Variants in MALRD1 observed in about 807,000 individuals in gnomAD.
The protein encoded by MALRD1 is MAM and LDL receptor class A domain containing 1.
Under a neutral mutation model 242.1 loss-of-function variants are expected in MALRD1, and 247 were observed. The observed-to-expected ratio is 1.02, with a 90% CI of 0.92 to 1.13. MALRD1 has a LOEUF of 1.13. MALRD1 is among the 50% of genes most tolerant of loss of function. The probability of loss-of-function intolerance (pLI) is 0.00; values close to 1 mark genes in which losing one functional copy is unlikely to be tolerated. For missense variants in MALRD1, 2,989 were observed against 2,533.1 expected (o/e 1.18, Z -3.86); for synonymous variants, 995 against 866.6 (o/e 1.15, Z -2.60).
At chr10:19,217,264 C>T (rs375018820) in intron 18 of MALRD1, among the ~76,000 whole-genome samples, 43 of 152,242 alleles carry the variant, frequency 2.8e-4, no homozygotes, top group African/African-American at 1.0e-3. Context: ...TTCTGTGTGC[C>T]TCTCATCCCT....
At chr10:19,176,604 G>T (rs1306623221) in intron 14 of MALRD1, among the ~76,000 whole-genome samples, 1 of 151,190 alleles carries the variant, frequency 6.6e-6, no homozygotes, top group East Asian at 2.0e-4. Context: ...TCGATCTCCT[G>T]ACCTCATGAT....
chr10:19,252,575 A>AT (rs995111470), intron 18 of MALRD1, among the ~76,000 whole-genome samples: 2 of 152,088 alleles, frequency 1.3e-5, no homozygotes, highest in African/African-American at 2.4e-5. Context: ...TAGACATCAT[A>AT]TTTTTTTGTC....
intron 1 of MALRD1, among the ~76,000 whole-genome samples, chr10:19,066,500 C>A (rs1182116292): frequency 6.6e-6 from 1 of 152,124 alleles, no homozygotes; most frequent in Non-Finnish European, 1.5e-5. Flanking sequence ...TGTCGTGTGG[C>A]ATTTTTTCTA....
At chr10:19,235,844 G>A (rs2131713771) in intron 18 of MALRD1, among the ~76,000 whole-genome samples, 1 of 152,220 alleles carries the variant, frequency 6.6e-6, no homozygotes, top group Admixed American at 6.5e-5. Flanking sequence ...TAGGGGGAAA[G>A]ATGAGTTGTT....
intron 33 of MALRD1, among the ~76,000 whole-genome samples, chr10:19,593,947 C>A (rs180945293): frequency 7.9e-5 from 12 of 152,284 alleles, no homozygotes; most frequent in Middle Eastern, 3.4e-3. Context: ...GATATGACAG[C>A]ACATGGCCTT....
In MALRD1 at chr10:19,315,578, T is replaced by TTATAAATTATAAATATTTA. The variant is rs1384069870; in HGVS notation, c.3420-8334_3420-8316dup. Among the ~76,000 whole-genome samples, 207 of 62,350 alleles carry TTATAAATTATAAATATTTA rather than the reference T, an allele frequency of 3.3e-3. 1 individual carries two copies. Among genetic ancestry groups the TTATAAATTATAAATATTTA allele is most frequent in the African/African-American group, 6.1e-3 (59 of 9,696 alleles). 40.9% of individuals were successfully genotyped at this position (62,350 alleles called of 152,430 possible). On this transcript the variant is annotated intron_variant, in intron 21 of 39. Transcript: ENST00000454679. ...AATATTATTTATATAAATATATAAA[T>TTATAAATTATAAATATTTA]TATAAATTATAAATATTTATATAAA...
intron 28 of MALRD1, among the ~76,000 whole-genome samples, chr10:19,440,653 T>C (rs1234150991): frequency 2.0e-5 from 3 of 152,158 alleles, no homozygotes; most frequent in African/African-American, 7.2e-5. Context: ...TTCATCCATG[T>C]CCCTACAAAG....
Position 19,595,241 on chromosome 10 carries a change from T to G in MALRD1, c.5728T>G (p.Cys1910Gly), listed in dbSNP as rs1425890803. The change falls in exon 34 of 40, where the codon TGT becomes GGT. Residue 1910 changes from cysteine to glycine, a missense_variant. Physicochemically the swap from Cys to Gly is radical, Grantham distance 159. Coordinates refer to ENST00000454679, the MANE Select transcript of MALRD1 (RefSeq NM_001142308.3). ...PSPCEADQFS[C>G]IYTLQCVPLS... ...ACCCTGTGAAGCTGATCAGTTTTCT[T>G]GTATCTACACACTCCAATGTGTCCC... 4 of 1,550,408 alleles carry G rather than the reference T, an allele frequency of 2.6e-6. No homozygotes were observed. The highest frequency in any genetic ancestry group is 3.5e-6 in the Non-Finnish European group (4 of 1,146,880).
intron 2 of MALRD1, among the ~76,000 whole-genome samples, chr10:19,079,745 A>G (rs1420966556): frequency 1.3e-5 from 2 of 151,948 alleles, no homozygotes; most frequent in Admixed American, 1.3e-4. Context: ...CTTTGTCTCC[A>G]ATAAGAATTC....
chr10:19,562,452 A>T (rs1434976716), intron 32 of MALRD1, among the ~76,000 whole-genome samples: 7 of 152,186 alleles, frequency 4.6e-5, no homozygotes, highest in Admixed American at 4.6e-4. Context: ...CAACCTTCAG[A>T]GTATTTAACT....
intron 14 of MALRD1, among the ~76,000 whole-genome samples, chr10:19,193,063 A>G (rs1009958585): frequency 2.6e-5 from 4 of 152,020 alleles, no homozygotes; most frequent in African/African-American, 4.8e-5. Context: ...ATAGCTTTAT[A>G]TTCTTTTCAG....
intron 24 of MALRD1, among the ~76,000 whole-genome samples, chr10:19,339,489 A>G (rs1476290098): frequency 6.6e-6 from 1 of 152,136 alleles, no homozygotes; most frequent in Non-Finnish European, 1.5e-5. Flanking sequence ...GGTTTCTCAA[A>G]TGTTTTGATG....
intron 32 of MALRD1, among the ~76,000 whole-genome samples, chr10:19,538,585 G>A (rs575296664): frequency 1.3e-5 from 2 of 152,026 alleles, no homozygotes; most frequent in Non-Finnish European, 1.5e-5. Flanking sequence ...CCTAGCTTCT[G>A]TCTTGTTTTG....
intron 19 of MALRD1, among the ~76,000 whole-genome samples, 162 bp from the exon 20 acceptor site, chr10:19,279,885 A>G (rs1840719390): frequency 6.6e-6 from 1 of 152,238 alleles, no homozygotes; most frequent in African/African-American, 2.4e-5. Context: ...CTGTTACTAA[A>G]AACAAGAACC....
chr10:19,232,433 C>A (rs972198539), intron 18 of MALRD1, among the ~76,000 whole-genome samples: 1 of 151,934 alleles, frequency 6.6e-6, no homozygotes, highest in Non-Finnish European at 1.5e-5. Context: ...CCGCCTCAGC[C>A]TCCCGAAGTG....
In MALRD1 at chr10:19,469,317, A is replaced by G. The variant is rs563122749; in HGVS notation, c.5029+18827A>G. ...GAATTACATACTTTTCTCTTCTGCT[A>G]GAGGAAGTCACTACCATGTCTTTTA... On this transcript the variant is annotated intron_variant, in intron 29 of 39. Transcript: ENST00000454679. Among the ~76,000 whole-genome samples, 13 of 152,280 alleles carry G rather than the reference A, an allele frequency of 8.5e-5. No homozygotes were observed. The South Asian group carries it at 2.7e-3, about 32-fold the overall frequency.
At chr10:19,259,635 T>G (rs1483122808) in intron 19 of MALRD1, among the ~76,000 whole-genome samples, 1 of 152,088 alleles carries the variant, frequency 6.6e-6, no homozygotes. Context: ...ATTTGGGAAT[T>G]ATAGGAGCCA....
chr10:19,287,719 A>G (rs1384395162), intron 21 of MALRD1, among the ~76,000 whole-genome samples: 1 of 152,108 alleles, frequency 6.6e-6, no homozygotes, highest in Non-Finnish European at 1.5e-5. Flanking sequence ...ACTATACCAT[A>G]TAGTTTTGTG....
chr10:19,100,791 T>G (rs994098085), intron 4 of MALRD1, among the ~76,000 whole-genome samples: 8 of 150,748 alleles, frequency 5.3e-5, no homozygotes, highest in East Asian at 3.9e-4. Context: ...AGGAATGGTG[T>G]TTTTTTTTGG....
Sources: allele counts gnomAD v4.1 joint callset (sites outside exome capture counted in the v4.1 genomes callset), GRCh38; gene constraint gnomAD v4.1.1; transcripts MANE v1.5; gene names NCBI Gene and HGNC (gene_info 2026-07-23, HGNC 2026-07-21).